The following CHSY3 variants were observed in gnomAD, a reference collection of about 807,000 sequenced individuals.
The protein encoded by CHSY3 is chondroitin sulfate synthase 3, also known as N-acetylgalactosaminyl-proteoglycan 3-beta-glucuronosyltransferase 3.
In CHSY3, 35 loss-of-function variants were observed where a neutral mutation model predicts 67.2. The ratio of observed to expected loss-of-function variants is 0.52; its 90% CI spans 0.40 to 0.69. The LOEUF is 0.69. Ranked by LOEUF, CHSY3 falls within the 30% of genes least tolerant of loss-of-function variation. The probability of loss-of-function intolerance (pLI) is 0.00; values close to 1 mark genes in which losing one functional copy is unlikely to be tolerated. For synonymous variants in CHSY3, 474 were observed against 434.7 expected, an observed-to-expected ratio of 1.09 and a Z score of -1.12; for missense variants, 1,069 against 1,138.5, an observed-to-expected ratio of 0.94 and a Z score of 0.88.
At chr5:130,113,434 T>C (rs2149705132) in intron 2 of CHSY3, among the ~76,000 whole-genome samples, 1 of 152,324 alleles carries the variant, frequency 6.6e-6, no homozygotes, top group East Asian at 1.9e-4. Context: ...TGTCACAATA[T>C]GTATTTAAAC....
intron 2 of CHSY3, chr5:130,052,212 G>C (rs1765383438): frequency 6.6e-6 from 1 of 152,176 alleles, no homozygotes; most frequent in South Asian, 2.1e-4. Context: ...CAGGGGGAGA[G>C]AGAAATCTAA....
chr5:130,181,440 C>G lies in CHSY3; in HGVS notation c.1087-2789C>G, dbSNP rs192673747. Among the ~76,000 whole-genome samples, 479 of 152,184 alleles carry G rather than the reference C, an allele frequency of 3.1e-3. 3 individuals are homozygous for G. The highest frequency in any genetic ancestry group is 0.011 in the African/African-American group (464 of 41,534). Reference sequence around the variant, plus strand: ...CTTGGGTGAATAACTCTGGGAAAATCTCTCTGATATCTTCTCTCTCTCTCT... The same window carrying G: ...CTTGGGTGAATAACTCTGGGAAAATGTCTCTGATATCTTCTCTCTCTCTCT... On this transcript the variant is annotated intron_variant, in intron 2 of 2. Transcript: ENST00000305031.
In CHSY3 at chr5:130,022,439, T is replaced by G. The variant is rs558390680; in HGVS notation, c.1086+114079T>G. ...ACCACCACTAATAATGTGCCTAAAA[T>G]AGTGAATAGTAAATAGTAAATTATA... is the stretch of plus-strand genomic sequence containing the variant. On this transcript the variant is annotated intron_variant, in intron 2 of 2. Coordinates refer to ENST00000305031, the MANE Select transcript of CHSY3 (RefSeq NM_175856.5). 1.5e-3 allele frequency among the ~76,000 whole-genome samples: 231 copies of G among 152,126 alleles called. 2 individuals are homozygous for G. The highest frequency in any genetic ancestry group is 3.1e-4 in the Non-Finnish European group (21 of 67,908).
intron 2 of CHSY3, among the ~76,000 whole-genome samples, chr5:130,115,236 C>T (rs1378484949): frequency 6.6e-6 from 1 of 151,192 alleles, no homozygotes; most frequent in Non-Finnish European, 1.5e-5. Context: ...GTTCTTTTTT[C>T]CCCCCATTTT....
chr5:129,979,267 A>C (rs1457501159), intron 2 of CHSY3, among the ~76,000 whole-genome samples: 1 of 151,758 alleles, frequency 6.6e-6, no homozygotes, highest in Admixed American at 6.6e-5. Context: ...TTTATCAGTA[A>C]CAGTGTAATT....
chr5:130,080,455 G>A (rs1272520098), intron 2 of CHSY3, among the ~76,000 whole-genome samples: 4 of 152,058 alleles, frequency 2.6e-5, no homozygotes, highest in Admixed American at 6.6e-5. Flanking sequence ...CTGCAAGCAA[G>A]GTATTTTGTG....
chr5:129,965,778 C>T (rs187655597), intron 2 of CHSY3, among the ~76,000 whole-genome samples: 2 of 151,886 alleles, frequency 1.3e-5, no homozygotes. Flanking sequence ...GTAGAGATGT[C>T]TCATTTAAGG....
At chr5:130,126,325 A>G (rs987337092) in intron 2 of CHSY3, among the ~76,000 whole-genome samples, 17 of 152,242 alleles carry the variant, frequency 1.1e-4, no homozygotes, top group African/African-American at 4.1e-4. Flanking sequence ...AGGCTGTAAC[A>G]TTAGATAATC....
intron 2 of CHSY3, among the ~76,000 whole-genome samples, chr5:130,118,805 C>T (rs192320495): frequency 6.6e-6 from 1 of 152,122 alleles, no homozygotes; most frequent in Admixed American, 6.5e-5. Context: ...AATAGGAATG[C>T]TGGGTGCTTT....
At position 130,115,285 on chromosome 5, in the gene CHSY3, A is replaced by G. The variant is rs900679568; in HGVS notation, c.1087-68944A>G. Among the ~76,000 whole-genome samples the G allele has an allele frequency of 4.6e-5, 7 of 152,084 alleles. No homozygotes were observed. The East Asian group carries it at 1.3e-3, about 29-fold the overall frequency. On this transcript the variant is annotated intron_variant, in intron 2 of 2. Coordinates refer to ENST00000305031, the MANE Select transcript of CHSY3 (RefSeq NM_175856.5). The stretch of plus-strand genomic sequence containing the variant: ...TACAGAGAACATAATCATCTTGTGA[A>G]CAAATAATTATGTTTAATGTTTTAA...
chr5:130,039,829 A>C (rs1764960479), intron 2 of CHSY3, among the ~76,000 whole-genome samples: 1 of 151,970 alleles, frequency 6.6e-6, no homozygotes, highest in Admixed American at 6.6e-5. Context: ...TCCCTGTGAA[A>C]ACTTCCCCCT....
At chr5:130,010,045 G>A (rs1338453050) in intron 2 of CHSY3, among the ~76,000 whole-genome samples, 1 of 152,106 alleles carries the variant, frequency 6.6e-6, no homozygotes, top group African/African-American at 2.4e-5. Context: ...GTATGAAACT[G>A]TAACACCCCA....
chr5:129,949,366 T>C (rs191593394), intron 2 of CHSY3, among the ~76,000 whole-genome samples: 47 of 152,242 alleles, frequency 3.1e-4, no homozygotes, highest in African/African-American at 1.1e-3. Flanking sequence ...AATAAATTTC[T>C]AAAGACATAC....
chr5:130,028,999 T>G (rs1580665145), intron 2 of CHSY3, among the ~76,000 whole-genome samples: 2 of 152,058 alleles, frequency 1.3e-5, no homozygotes, highest in East Asian at 3.9e-4. Flanking sequence ...TCTTTGCTTC[T>G]TTATCTATTC....
At chr5:130,060,561 A>T (rs1765679185) in intron 2 of CHSY3, among the ~76,000 whole-genome samples, 2 of 152,190 alleles carry the variant, frequency 1.3e-5, no homozygotes, top group South Asian at 4.1e-4. Flanking sequence ...AGTCCTAGCC[A>T]GAGCAGTCAG....
intron 2 of CHSY3, among the ~76,000 whole-genome samples, chr5:129,996,810 A>G (rs894172912): frequency 2.6e-5 from 4 of 152,106 alleles, no homozygotes; most frequent in Admixed American, 1.3e-4. Context: ...TTTCTTTATA[A>G]TAGCATTTAT....
intron 2 of CHSY3, among the ~76,000 whole-genome samples, chr5:130,023,260 T>C (rs1764444060): frequency 6.6e-6 from 1 of 151,948 alleles, no homozygotes; most frequent in Admixed American, 6.6e-5. Context: ...TATAGTTGCT[T>C]ACAGATGTTA....
intron 2 of CHSY3, among the ~76,000 whole-genome samples, chr5:130,143,821 T>TAC (rs1768987189): frequency 1.6e-5 from 2 of 126,050 alleles, no homozygotes; most frequent in Admixed American, 8.1e-5. Context: ...TATATATATA[T>TAC]ATATATATAT....
chr5:130,116,252 A>G (rs1767796674), intron 2 of CHSY3, among the ~76,000 whole-genome samples: 1 of 152,242 alleles, frequency 6.6e-6, no homozygotes, highest in South Asian at 2.1e-4. Flanking sequence ...TAATTATCTT[A>G]GAAGAGTTCA....
Sources: gnomAD v4.1 joint callset for allele counts (sites outside exome capture counted in the v4.1 genomes callset) on GRCh38, gnomAD v4.1.1 for gene constraint, MANE v1.5 for transcripts, NCBI Gene and HGNC (gene_info 2026-07-23, HGNC 2026-07-21) for gene names.